Variants in TJP2 observed in about 807,000 individuals in gnomAD.
The protein encoded by TJP2 is tight junction protein 2.
TJP2 carries 91 observed loss-of-function variants against 133.1 expected under a neutral mutation model. The ratio of observed to expected loss-of-function variants is 0.68; its 90% CI spans 0.58 to 0.81. TJP2 has a LOEUF of 0.81. TJP2 is among the 40% of genes least tolerant of loss of function. TJP2 has a pLI of 0.00. For missense variants in TJP2, 1,541 were observed against 1,565.6 expected (o/e 0.98, Z 0.26); for synonymous variants, 592 against 583.4 (o/e 1.01, Z -0.21).
intron 2 of TJP2, 49 bp downstream of exon 2, chr9:69,212,650 C>A (rs767697071): frequency 6.8e-7 from 1 of 1,465,736 alleles, no homozygotes; most frequent in East Asian, 2.3e-5. Context: ...CTTGATTTTA[C>A]GGATCATGGA....
rs190563253 is a variant in TJP2 at position 69,223,395 on chromosome 9, T to C, written c.952+1899T>C. ...CGATCTCGGCTCACTGCAGGCTCCA[T>C]CTCCCGGGTTCACACCATTCTCCTG... is the stretch of plus-strand genomic sequence containing the variant. On this transcript the variant is annotated intron_variant, in intron 5 of 22. Coordinates refer to ENST00000377245, the MANE Select transcript of TJP2 (RefSeq NM_004817.4). Among the ~76,000 whole-genome samples the C allele has an allele frequency of 6.6e-3, 1,005 of 152,148 alleles. 2 individuals carry two copies. The highest frequency in any genetic ancestry group is 0.011 in the Non-Finnish European group (730 of 67,982).
intron 1 of TJP2, among the ~76,000 whole-genome samples, chr9:69,192,920 CTTT>C (rs35014942): frequency 9.3e-5 from 10 of 107,200 alleles, no homozygotes; most frequent in African/African-American, 1.8e-4. Context: ...TTCTCTCTCA[CTTT>C]TTTTTTTTTT....
chr9:69,235,698 C>T (rs1197012887), intron 12 of TJP2, among the ~76,000 whole-genome samples: 1 of 152,188 alleles, frequency 6.6e-6, no homozygotes, highest in East Asian at 1.9e-4. Context: ...GGCCCACTCG[C>T]ATTGGGGAGG....
chr9:69,121,738 C>T (rs1027706029), intron 1 of TJP2: 5 of 152,066 alleles, frequency 3.3e-5, no homozygotes, highest in African/African-American at 1.2e-4. Context: ...AAGTACCCTC[C>T]TCTCTCTCCC....
At position 69,236,013 on chromosome 9, in the gene TJP2, G is replaced by C; in HGVS notation, c.1781-15G>C. On this transcript the variant is annotated splice_polypyrimidine_tract_variant and intron_variant, in intron 12 of 22. Transcript: ENST00000377245. ...TACTAAGCTGAATGCAACAAACGAT[G>C]CTTTTGTCTTTCAGTGTATAGAGAC... is the stretch of plus-strand genomic sequence containing the variant. The C allele has an allele frequency of 6.2e-7, 1 of 1,612,452 alleles. No homozygotes were observed. The highest frequency in any genetic ancestry group is 8.5e-7 in the Non-Finnish European group (1 of 1,178,506).
At position 69,186,896 on chromosome 9, in the gene TJP2, C is replaced by G. The variant is rs887653539; in HGVS notation, c.60+12464C>G. Among the ~76,000 whole-genome samples the G allele has an allele frequency of 2.0e-5, 3 of 151,986 alleles. 1 individual carries two copies. The highest frequency in any genetic ancestry group is 4.4e-5 in the Non-Finnish European group (3 of 68,018). ...AATTCCATCAGTTTCCTCCTTAGTC[C>G]CTGGAACCTCCCCACAATCAGGAAT... On this transcript the variant is annotated intron_variant, in intron 1 of 22. Transcript: ENST00000377245.
chr9:69,237,916 GC>G lies in TJP2; in HGVS notation c.2219del (p.Ala740ValfsTer3). 6.2e-7 allele frequency: 1 copy of G among 1,613,988 alleles called. No homozygotes were observed. Among genetic ancestry groups the G allele is most frequent in the East Asian group, 2.2e-5 (1 of 44,868 alleles). ...ACCTGTGGTCTTATTCGGCCCCATA[GC>G]TGATATAGCAATGGAAAAATTGGCT... is the stretch of plus-strand genomic sequence containing the variant. ...KRPVVLFGPI[A>X]DIAMEKLANE... is the part of the protein sequence containing the mutation. On this transcript the variant is annotated frameshift_variant, in exon 15 of 23. Transcript: ENST00000377245. LOFTEE classifies it high-confidence loss of function.
At position 69,254,301 on chromosome 9, in the gene TJP2, G is replaced by A. The variant is rs370985421; in HGVS notation, c.3500G>A (p.Arg1167His). Residue 1167 changes from arginine to histidine, a missense_variant, in exon 23 of 23, where the codon CGC becomes CAC. Coordinates refer to ENST00000377245, the MANE Select transcript of TJP2 (RefSeq NM_004817.4). ...YGSDAEEEEY[R>H]QQLSEHSKRG... ...AGTGATGCCGAGGAGGAGGAGTACC[G>A]CCAGCAGCTGTCAGAACACTCCAAG... is the stretch of plus-strand genomic sequence containing the variant. 13 of 1,614,206 alleles carry A rather than the reference G, an allele frequency of 8.1e-6. No individual in the cohort carries two copies. Among genetic ancestry groups the A allele is most frequent in the Middle Eastern group, 1.6e-4 (1 of 6,062 alleles).
chr9:69,197,497 C>G (rs1218731902), intron 1 of TJP2, among the ~76,000 whole-genome samples: 2 of 151,998 alleles, frequency 1.3e-5, no homozygotes, highest in East Asian at 3.9e-4. Flanking sequence ...CTGTGATGTA[C>G]TTGTTGGTTT....
At chr9:69,192,945 G>GT (rs1826304408) in intron 1 of TJP2, among the ~76,000 whole-genome samples, 1 of 119,506 alleles carries the variant, frequency 8.4e-6, no homozygotes, top group East Asian at 2.5e-4. Context: ...TTTTTGAGAT[G>GT]TGGTCTCACT....
rs1444840415 is a variant in TJP2, at chr9:69,254,552, GCT to G, written c.*181_*182del. ...AGCTGGTGCAAATTCAGAACTGAGG[GCT>G]CTGTTTGTGGGACTGGGTTAGAGGA... On this transcript the variant is annotated 3_prime_UTR_variant, in exon 23 of 23. Coordinates refer to ENST00000377245, the MANE Select transcript of TJP2 (RefSeq NM_004817.4). The G allele has an allele frequency of 3.8e-6, 3 of 795,558 alleles. No individual in the cohort carries two copies. The highest frequency in any genetic ancestry group is 6.2e-6 in the Non-Finnish European group (3 of 481,964). The allele number at this position is 795,558 out of a possible 1,614,324, so 49.3% of individuals were successfully genotyped here. A position where few individuals can be genotyped will look rare whatever the true frequency, so the allele number is the denominator to read the frequency against.
intron 17 of TJP2, among the ~76,000 whole-genome samples, chr9:69,243,126 A>C (rs1242220789): frequency 6.6e-6 from 1 of 152,044 alleles, no homozygotes; most frequent in Non-Finnish European, 1.5e-5. Flanking sequence ...GGCCTCCTAA[A>C]ATGCTGGGAT....
At chr9:69,239,197 T>C (rs1017341017) in intron 16 of TJP2, among the ~76,000 whole-genome samples, 1 of 151,174 alleles carries the variant, frequency 6.6e-6, no homozygotes, top group African/African-American at 2.4e-5. Flanking sequence ...CAAAAAAATA[T>C]ATATATAATG....
chr9:69,178,622 T>A (rs1825266563), intron 1 of TJP2, among the ~76,000 whole-genome samples: 1 of 152,220 alleles, frequency 6.6e-6, no homozygotes, highest in Admixed American at 6.5e-5. Flanking sequence ...CTTTCTGTCT[T>A]AAGCGTGTGC....
chr9:69,212,774 A>G (rs1271345480), intron 2 of TJP2, among the ~76,000 whole-genome samples, 173 bp downstream of exon 2: 1 of 151,924 alleles, frequency 6.6e-6, no homozygotes, highest in African/African-American at 2.4e-5. Context: ...TTTGCATGCT[A>G]TTGTATTTTT....
intron 1 of TJP2, among the ~76,000 whole-genome samples, chr9:69,179,490 G>A (rs4744852): frequency 0.93 from 140,160 of 151,312 alleles, 64,916 homozygotes; most frequent in Middle Eastern, 0.95. Flanking sequence ...GTGAAAGTAA[G>A]TTACTTTTTT....
At chr9:69,141,824 T>C (rs911476675) in intron 1 of TJP2, among the ~76,000 whole-genome samples, 1 of 151,958 alleles carries the variant, frequency 6.6e-6, no homozygotes, top group Non-Finnish European at 1.5e-5. Context: ...CCTGGCCTCA[T>C]GTGATCCACC....
intron 19 of TJP2, chr9:69,248,566 A>G: frequency 8.2e-7 from 1 of 1,212,792 alleles, no homozygotes; most frequent in Non-Finnish European, 1.0e-6. Context: ...GTAACCTTTG[A>G]TTAGGTTTCT....
intron 2 of TJP2, among the ~76,000 whole-genome samples, chr9:69,165,059 G>T (rs2132874205): frequency 6.6e-6 from 1 of 152,242 alleles, no homozygotes; most frequent in East Asian, 1.9e-4. Flanking sequence ...TGAACTCTTG[G>T]CCTCAAGTGT....
Sources: allele counts gnomAD v4.1 joint callset (sites outside exome capture counted in the v4.1 genomes callset), GRCh38; gene constraint gnomAD v4.1.1; transcripts MANE v1.5; gene names NCBI Gene and HGNC (gene_info 2026-07-23, HGNC 2026-07-21).